Variants in BMPR1A observed in about 807,000 individuals in gnomAD.
BMPR1A encodes bone morphogenetic protein receptor type 1A, also known as bone morphogenetic protein receptor type-1A.
Under a neutral mutation model 66.0 loss-of-function variants are expected in BMPR1A, and 7 were observed. The observed-to-expected ratio is 0.11, with a 90% CI of 0.06 to 0.20. BMPR1A has a LOEUF of 0.20. BMPR1A is among the 10% of genes least tolerant of loss of function. BMPR1A has a pLI of 1.00. For missense variants in BMPR1A, 408 were observed against 669.1 expected (o/e 0.61, Z 4.31); for synonymous variants, 200 against 229.7 (o/e 0.87, Z 1.17).
At chr10:86,832,889 TTGTG>T (rs2133076618) in intron 1 of BMPR1A, among the ~76,000 whole-genome samples, 1 of 152,350 alleles carries the variant, frequency 6.6e-6, no homozygotes, top group Admixed American at 6.5e-5. Flanking sequence ...AGATAAATCT[TTGTG>T]TGGGCACATA....
chr10:86,768,274 T>A (rs950219893), intron 1 of BMPR1A, among the ~76,000 whole-genome samples: 2 of 152,192 alleles, frequency 1.3e-5, no homozygotes, highest in Non-Finnish European at 2.9e-5. Flanking sequence ...ATCTTAAATA[T>A]AAAGAGCGTG....
At chr10:86,846,364 C>T (rs1337004974) in intron 2 of BMPR1A, among the ~76,000 whole-genome samples, 1 of 152,168 alleles carries the variant, frequency 6.6e-6, no homozygotes, top group Non-Finnish European at 1.5e-5. Context: ...TGGCTGACAG[C>T]ACTGACAAGC....
intron 1 of BMPR1A, among the ~76,000 whole-genome samples, chr10:86,784,914 G>C (rs376949812): frequency 6.6e-6 from 1 of 151,808 alleles, no homozygotes; most frequent in East Asian, 1.9e-4. Context: ...TCTGGCTAAG[G>C]ATTTGTCAAT....
intron 10 of BMPR1A, among the ~76,000 whole-genome samples, chr10:86,921,271 A>C (rs188618028): frequency 6.6e-6 from 1 of 152,276 alleles, no homozygotes; most frequent in African/African-American, 2.4e-5. Flanking sequence ...GAGGAGGACT[A>C]TCGGACTTAG....
At chr10:86,842,098 G>A (rs995022135) in intron 2 of BMPR1A, among the ~76,000 whole-genome samples, 1 of 152,182 alleles carries the variant, frequency 6.6e-6, no homozygotes, top group African/African-American at 2.4e-5. Context: ...AGAAGCACAG[G>A]TAAAATAACC....
At chr10:86,915,139 G>A (rs1323365282) in intron 8 of BMPR1A, among the ~76,000 whole-genome samples, 1 of 152,144 alleles carries the variant, frequency 6.6e-6, no homozygotes, top group Non-Finnish European at 1.5e-5. Context: ...TGATTCTCCT[G>A]CCTCAGCCTC....
At chr10:86,822,830 A>G (rs1185470361) in intron 1 of BMPR1A, among the ~76,000 whole-genome samples, 1 of 151,742 alleles carries the variant, frequency 6.6e-6, no homozygotes, top group Non-Finnish European at 1.5e-5. Flanking sequence ...GAGTTTCACC[A>G]TGTTGGCCAG....
intron 1 of BMPR1A, among the ~76,000 whole-genome samples, chr10:86,779,719 C>T (rs1264466981): frequency 1.3e-5 from 2 of 152,176 alleles, no homozygotes; most frequent in Non-Finnish European, 2.9e-5. Flanking sequence ...CCTACCTCAA[C>T]TTCCTGAGTA....
chr10:86,783,008 T>C (rs1430971677), intron 1 of BMPR1A, among the ~76,000 whole-genome samples: 1 of 152,206 alleles, frequency 6.6e-6, no homozygotes, highest in African/African-American at 2.4e-5. Flanking sequence ...TCAGGTCTTA[T>C]GTTTAGGTCT....
intron 1 of BMPR1A, among the ~76,000 whole-genome samples, chr10:86,761,002 A>G (rs1173405669): frequency 6.6e-6 from 1 of 152,212 alleles, no homozygotes; most frequent in South Asian, 2.1e-4. Context: ...GGAGATGCTA[A>G]AATATGAAAA....
intron 1 of BMPR1A, among the ~76,000 whole-genome samples, chr10:86,778,007 CAAAAA>C (rs55951007): frequency 8.8e-6 from 1 of 114,266 alleles, no homozygotes. Context: ...GAGCGAAACT[CAAAAA>C]AAAAAAAAAA....
At chr10:86,870,617 G>T (rs1213186590) in intron 2 of BMPR1A, among the ~76,000 whole-genome samples, 1 of 151,918 alleles carries the variant, frequency 6.6e-6, no homozygotes, top group African/African-American at 2.4e-5. Context: ...TACAGATGAG[G>T]TCTTGCAGTG....
intron 1 of BMPR1A, among the ~76,000 whole-genome samples, chr10:86,813,867 G>A (rs1239259518): frequency 6.6e-6 from 1 of 152,080 alleles, no homozygotes; most frequent in Non-Finnish European, 1.5e-5. Flanking sequence ...AAGGGCTTAT[G>A]GGAACAATAT....
At chr10:86,903,634 CAG>C (rs1466655553) in intron 7 of BMPR1A, among the ~76,000 whole-genome samples, 30 of 150,950 alleles carry the variant, frequency 2.0e-4, no homozygotes, top group African/African-American at 6.9e-4. Flanking sequence ...TATTTTGAGA[CAG>C]AGTCTCGCTC....
chr10:86,768,260 A>G (rs377498918), intron 1 of BMPR1A, among the ~76,000 whole-genome samples: 1 of 152,200 alleles, frequency 6.6e-6, no homozygotes, highest in South Asian at 2.1e-4. Flanking sequence ...GAATAAATAT[A>G]AATATCTTAA....
chr10:86,772,066 G>C (rs537920797), intron 1 of BMPR1A, among the ~76,000 whole-genome samples: 1 of 129,386 alleles, frequency 7.7e-6, no homozygotes, highest in Non-Finnish European at 1.5e-5. Context: ...AAAAATTAGT[G>C]CTTTTTTTTT....
chr10:86,759,186 A>G (rs1348218227), intron 1 of BMPR1A, among the ~76,000 whole-genome samples: 2 of 152,208 alleles, frequency 1.3e-5, no homozygotes, highest in Admixed American at 6.5e-5. Context: ...TTAACTATTA[A>G]CTAGATGAAG....
intron 5 of BMPR1A, among the ~76,000 whole-genome samples, chr10:86,895,200 T>A (rs1296655624): frequency 6.6e-6 from 1 of 152,236 alleles, no homozygotes; most frequent in African/African-American, 2.4e-5. Flanking sequence ...TGATAGGATC[T>A]TTATGGCACT....
intron 1 of BMPR1A, among the ~76,000 whole-genome samples, chr10:86,837,243 G>GTC (rs1554883376): frequency 5.8e-4 from 52 of 90,028 alleles, no homozygotes; most frequent in African/African-American, 2.0e-3. Flanking sequence ...GTGTGTGTGT[G>GTC]TGTCTGTGTG....
Sources: gnomAD v4.1 joint callset for allele counts (sites outside exome capture counted in the v4.1 genomes callset) on GRCh38, gnomAD v4.1.1 for gene constraint, MANE v1.5 for transcripts, NCBI Gene and HGNC (gene_info 2026-07-23, HGNC 2026-07-21) for gene names.